CALN1: variants seen among roughly 807,000 people sequenced by gnomAD.
CALN1 encodes calneuron 1.
CALN1 carries 17 observed loss-of-function variants against 30.6 expected under a neutral mutation model. The ratio of observed to expected loss-of-function variants is 0.56; its 90% CI spans 0.38 to 0.83. The LOEUF (loss-of-function observed/expected upper bound fraction) is 0.83. Ranked by LOEUF, CALN1 falls within the 40% of genes least tolerant of loss-of-function variation. CALN1 has a pLI of 0.00. For synonymous variants in CALN1, 156 were observed against 131.4 expected, an observed-to-expected ratio of 1.19 and a Z score of -1.28; for missense variants, 291 against 354.9, an observed-to-expected ratio of 0.82 and a Z score of 1.45.
chr7:72,150,652 C>T (rs74502198), intron 3 of CALN1, among the ~76,000 whole-genome samples: 3,966 of 152,168 alleles, frequency 0.026, 185 homozygotes, highest in African/African-American at 0.09. Flanking sequence ...GCAGAGAGAA[C>T]GTGAGAGGGG....
intron 3 of CALN1, among the ~76,000 whole-genome samples, chr7:72,138,975 G>T (rs947920379): frequency 7.2e-5 from 11 of 152,308 alleles, no homozygotes; most frequent in Admixed American, 6.5e-4. Context: ...AGCTTGCAAT[G>T]CCATCATCTA....
At chr7:72,188,165 T>A (rs1386876093) in intron 3 of CALN1, among the ~76,000 whole-genome samples, 1 of 151,916 alleles carries the variant, frequency 6.6e-6, no homozygotes, top group Non-Finnish European at 1.5e-5. Flanking sequence ...CAAAGGATAC[T>A]GGCACACGCA....
chr7:72,251,509 C>T (rs1036108041), intron 3 of CALN1, among the ~76,000 whole-genome samples: 3 of 152,032 alleles, frequency 2.0e-5, no homozygotes, highest in Non-Finnish European at 4.4e-5. Flanking sequence ...AAGCAGTCCT[C>T]CCACATCAGC....
chr7:72,274,648 T>C (rs1797222915), intron 3 of CALN1, among the ~76,000 whole-genome samples: 3 of 152,208 alleles, frequency 2.0e-5, no homozygotes. Context: ...ATAAATCTGG[T>C]ATATGCATAA....
intron 2 of CALN1, among the ~76,000 whole-genome samples, chr7:72,379,503 C>A (rs945638697): frequency 6.6e-6 from 1 of 152,196 alleles, no homozygotes; most frequent in Non-Finnish European, 1.5e-5. Context: ...CTACAAGCAG[C>A]ACTACACTAT....
chr7:72,096,321 G>C (rs1329471879), intron 4 of CALN1, among the ~76,000 whole-genome samples: 1 of 152,108 alleles, frequency 6.6e-6, no homozygotes, highest in Non-Finnish European at 1.5e-5. Context: ...CCTTCATCAG[G>C]TTTTCAAGGG....
intron 3 of CALN1, among the ~76,000 whole-genome samples, chr7:72,220,275 AGT>A (rs1793184320): frequency 6.9e-6 from 1 of 144,590 alleles, no homozygotes; most frequent in African/African-American, 2.6e-5. Context: ...CCCACCTATG[AGT>A]GAGAACATGT....
At chr7:71,926,827 T>C (rs1460372564) in intron 5 of CALN1, among the ~76,000 whole-genome samples, 6 of 152,350 alleles carry the variant, frequency 3.9e-5, no homozygotes, top group African/African-American at 1.4e-4. Context: ...TTGTATTTTT[T>C]ATTTCTAAGA....
At chr7:72,377,663 T>A (rs922241246) in intron 2 of CALN1, among the ~76,000 whole-genome samples, 2 of 152,180 alleles carry the variant, frequency 1.3e-5, no homozygotes, top group African/African-American at 4.8e-5. Flanking sequence ...TATGTGGGCA[T>A]TGACAACTTT....
chr7:72,205,551 A>AATATATATACATATATATATATATAT (rs1791779951), intron 3 of CALN1, among the ~76,000 whole-genome samples: 1 of 83,052 alleles, frequency 1.2e-5, no homozygotes, highest in African/African-American at 7.5e-5. Flanking sequence ...GCAAAAAAAA[A>AATATATATACATATATATATATATAT]ATATATATAT....
Position 71,848,318 on chromosome 7 carries a change from C to T in CALN1, c.502-37826G>A, listed in dbSNP as rs17144035. On this transcript the variant is annotated intron_variant, in intron 5 of 6. Coordinates refer to ENST00000395275, the MANE Select transcript of CALN1 (RefSeq NM_031468.4). ...TGCTAATCAAATTTGATGCTCACAC[C>T]CGTATTTATACTGAATGGCCCCTTC... is the stretch of plus-strand genomic sequence containing the variant. 8.7e-3 allele frequency among the ~76,000 whole-genome samples: 1,324 copies of T among 152,244 alleles called. 23 individuals carry two copies. The highest frequency in any genetic ancestry group is 0.03 in the African/African-American group (1,245 of 41,538).
At chr7:72,469,003 G>A in the CALN1 span, among the ~76,000 whole-genome samples, 1 of 152,068 alleles carries the variant, frequency 6.6e-6, no homozygotes, top group African/African-American at 2.4e-5. Context: ...CATTTTGTGG[G>A]TTTCCTTTTC....
intron 5 of CALN1, among the ~76,000 whole-genome samples, chr7:71,898,623 C>G (rs1193262816): frequency 6.6e-6 from 1 of 152,146 alleles, no homozygotes; most frequent in South Asian, 2.1e-4. Context: ...TTTGAAGAAG[C>G]CCAACAAAGC....
chr7:71,847,491 ACAAAAC>A (rs982162419), intron 5 of CALN1, among the ~76,000 whole-genome samples: 17 of 151,712 alleles, frequency 1.1e-4, no homozygotes, highest in South Asian at 2.1e-4. Flanking sequence ...CTCTACTAAA[ACAAAAC>A]CAAAACCAAA....
At chr7:72,146,353 G>A (rs188352784) in intron 3 of CALN1, among the ~76,000 whole-genome samples, 3,960 of 152,224 alleles carry the variant, frequency 0.026, 184 homozygotes, top group African/African-American at 0.09. Flanking sequence ...AATCATGAGT[G>A]AACTCCCATT....
intron 5 of CALN1, among the ~76,000 whole-genome samples, chr7:71,908,746 G>A (rs984137845): frequency 6.6e-6 from 1 of 152,154 alleles, no homozygotes; most frequent in African/African-American, 2.4e-5. Flanking sequence ...GGGAACTGAG[G>A]TAGAGCCTCC....
At chr7:72,413,504 TCA>T (rs1807310120), upstream of CALN1, among the ~76,000 whole-genome samples, 1 of 150,430 alleles carries the variant, frequency 6.6e-6, no homozygotes, top group African/African-American at 2.5e-5. Flanking sequence ...GGACACAAAC[TCA>T]CACATCAGAT....
At chr7:71,881,388 A>T (rs549245630) in intron 5 of CALN1, among the ~76,000 whole-genome samples, 2 of 152,274 alleles carry the variant, frequency 1.3e-5, no homozygotes, top group African/African-American at 4.8e-5. Flanking sequence ...CTGTCCGTCT[A>T]GAAAACCCCA....
chr7:72,084,904 T>C (rs1047988684), intron 4 of CALN1, among the ~76,000 whole-genome samples: 4 of 152,176 alleles, frequency 2.6e-5, no homozygotes, highest in Non-Finnish European at 5.9e-5. Context: ...TGCACACTGT[T>C]CTGAGTAGCG....
Sources: allele counts gnomAD v4.1 joint callset (sites outside exome capture counted in the v4.1 genomes callset), GRCh38; gene constraint gnomAD v4.1.1; transcripts MANE v1.5; gene names NCBI Gene and HGNC (gene_info 2026-07-23, HGNC 2026-07-21).